GUCY2F: variants seen among roughly 807,000 people sequenced by gnomAD.
GUCY2F encodes the protein retinal guanylyl cyclase 2.
Under a neutral mutation model 73.1 loss-of-function variants are expected in GUCY2F, and 61 were observed. The observed-to-expected ratio is 0.83, with a 90% confidence interval of 0.68 to 1.03. GUCY2F has a LOEUF of 1.03. Ranked by LOEUF, GUCY2F falls within the 50% of genes least tolerant of loss-of-function variation. The pLI is 0.00. For missense variants in GUCY2F, 912 were observed against 854.3 expected, an observed-to-expected ratio of 1.07 and a Z score of -0.84; for synonymous variants, 331 against 307.8, an observed-to-expected ratio of 1.08 and a Z score of -0.79.
intron 11 of GUCY2F, among the ~76,000 whole-genome samples, chrX:109,397,633 TC>T (rs1453122378): frequency 3.6e-5 from 4 of 111,870 alleles, no homozygotes. Flanking sequence ...TCCCTTAATG[TC>T]CTTTTTCTGT....
chrX:109,401,594 G>A (rs1930840368), intron 10 of GUCY2F, among the ~76,000 whole-genome samples: 1 of 111,986 alleles, frequency 8.9e-6, no homozygotes, highest in African/African-American at 3.3e-5. Context: ...AAGGCACTGA[G>A]AAAGGCAAAC....
intron 4 of GUCY2F, among the ~76,000 whole-genome samples, chrX:109,452,399 T>C (rs1431589854): frequency 8.9e-6 from 1 of 112,116 alleles, no homozygotes; most frequent in Non-Finnish European, 1.9e-5. Flanking sequence ...TGGAAAACTT[T>C]GAGTACCTTA....
intron 5 of GUCY2F, among the ~76,000 whole-genome samples, chrX:109,449,493 A>C (rs1158556357): frequency 1.8e-5 from 2 of 111,817 alleles, no homozygotes; most frequent in African/African-American, 6.5e-5. Context: ...AAAAATAATC[A>C]TGCTACAGAG....
chrX:109,453,361 T>G, intron 4 of GUCY2F, 144 bp downstream of exon 4: 1 of 409,867 alleles, frequency 2.4e-6, no homozygotes, highest in Admixed American at 4.4e-5. Flanking sequence ...ATTAACTAGA[T>G]AGAGTGCCAA....
At chrX:109,429,800 C>T (rs767564300) in intron 8 of GUCY2F, among the ~76,000 whole-genome samples, 1 of 111,879 alleles carries the variant, frequency 8.9e-6, no homozygotes, top group East Asian at 2.8e-4. Flanking sequence ...TCCAAGGACT[C>T]CTTGAACATA....
rs1216193073 is a variant in GUCY2F at position 109,476,728 on chromosome X, A to AGAT, written c.-85-710_-85-708dup. 1.0e-4 allele frequency among the ~76,000 whole-genome samples: 3 copies of AGAT among 30,045 alleles called. No individual in the cohort carries two copies. The Admixed American group carries it at 1.1e-3, about 11-fold the overall frequency. 26.1% of individuals were successfully genotyped at this position (30,045 alleles called of 115,157 possible). ...TGCAGAAAGACCCAGAGGTAAAGAT[A>AGAT]GATAGATAGATAGATAGATAGATAG... On this transcript the variant is annotated intron_variant, in intron 1 of 19. Transcript: ENST00000218006.
At chrX:109,454,592 G>C (rs768162044) in intron 3 of GUCY2F, among the ~76,000 whole-genome samples, 9 of 112,119 alleles carry the variant, frequency 8.0e-5, no homozygotes, top group Non-Finnish European at 1.3e-4. Flanking sequence ...GACTGCTAAG[G>C]TGGATAGCAT....
At chrX:109,474,684 T>G (rs1380177014) in intron 2 of GUCY2F, among the ~76,000 whole-genome samples, 1 of 111,655 alleles carries the variant, frequency 9.0e-6, no homozygotes, top group African/African-American at 3.3e-5. Flanking sequence ...AAGCCCTGCT[T>G]TGAGAAAAGG....
At chrX:109,448,656 G>A (rs747857172) in intron 5 of GUCY2F, among the ~76,000 whole-genome samples, 8 of 112,320 alleles carry the variant, frequency 7.1e-5, no homozygotes, top group African/African-American at 2.6e-4. Flanking sequence ...CTAGCCTGAG[G>A]CAGAGCTGGA....
chrX:109,435,758 G>T (rs1254185754), intron 7 of GUCY2F, among the ~76,000 whole-genome samples: 1 of 111,703 alleles, frequency 9.0e-6, no homozygotes, highest in African/African-American at 3.3e-5. Flanking sequence ...GATATTGGCT[G>T]TGGGTTTGTC....
At chrX:109,433,225 G>C (rs1310501546) in intron 7 of GUCY2F, among the ~76,000 whole-genome samples, 3 of 112,317 alleles carry the variant, frequency 2.7e-5, no homozygotes, top group African/African-American at 9.7e-5. Context: ...GCAAACATGG[G>C]CTAGCCTTCT....
intron 14 of GUCY2F, 149 bp from the exon 15 acceptor site, chrX:109,388,812 A>G: frequency 2.4e-6 from 1 of 422,979 alleles, no homozygotes; most frequent in Non-Finnish European, 4.1e-6. Flanking sequence ...GTCTGGCTGC[A>G]TGTTAGAATT....
At chrX:109,453,241 CTCTTTGGG>C (rs1932174372) in intron 4 of GUCY2F, among the ~76,000 whole-genome samples, 1 of 111,194 alleles carries the variant, frequency 9.0e-6, no homozygotes, top group South Asian at 3.8e-4. Context: ...TTAGAGTAAG[CTCTTTGGG>C]AAAGAGTGGG....
rs1569356744 is a variant in GUCY2F, at chrX:109,392,891, CGGT to C, written c.2586_2588del (p.Pro863del). Reference sequence around the variant, plus strand: ...CACACTCCTCAGGTGTTCTCACATACGGTGGTAGCATCTGTGTTAGAAGCTTTT... The same window carrying C: ...CACACTCCTCAGGTGTTCTCACATACGGTAGCATCTGTGTTAGAAGCTTTT... On this transcript the variant is annotated inframe_deletion and splice_region_variant, in exon 13 of 20. Coordinates refer to ENST00000218006, the MANE Select transcript of GUCY2F (RefSeq NM_001522.3). 8.8e-7 allele frequency: 1 copy of C among 1,137,379 alleles called. No individual in the cohort carries two copies. Among genetic ancestry groups the C allele is most frequent in the East Asian group, 3.0e-5 (1 of 33,486 alleles). 93.7% of individuals were successfully genotyped at this position (1,137,379 alleles called of 1,213,427 possible).
At chrX:109,406,270 C>T (rs1569360242) in intron 9 of GUCY2F, among the ~76,000 whole-genome samples, 8 of 111,627 alleles carry the variant, frequency 7.2e-5, no homozygotes, top group Admixed American at 5.7e-4. Context: ...TTTGGTTTTC[C>T]AGTGGCACTG....
At chrX:109,444,665 A>G (rs780437890) in intron 6 of GUCY2F, among the ~76,000 whole-genome samples, 3 of 111,589 alleles carry the variant, frequency 2.7e-5, no homozygotes, top group Non-Finnish European at 5.7e-5. Context: ...GGGGCCAGAC[A>G]GGTAATATAA....
intron 11 of GUCY2F, among the ~76,000 whole-genome samples, chrX:109,395,833 C>T (rs1930695100): frequency 9.0e-6 from 1 of 111,571 alleles, no homozygotes; most frequent in African/African-American, 3.3e-5. Context: ...TCATCTAAGC[C>T]TTCCAATCCC....
chrX:109,477,080 G>A (rs1350851822), intron 1 of GUCY2F, among the ~76,000 whole-genome samples: 2 of 111,202 alleles, frequency 1.8e-5, no homozygotes, highest in African/African-American at 3.3e-5. Flanking sequence ...AGCAAGACTG[G>A]AGGCAAAGAG....
At chrX:109,429,000 A>G (rs1931549255) in intron 8 of GUCY2F, among the ~76,000 whole-genome samples, 1 of 112,246 alleles carries the variant, frequency 8.9e-6, no homozygotes, top group Non-Finnish European at 1.9e-5. Flanking sequence ...TGGCACCATA[A>G]TTTGGATTAC....
Sources: gnomAD v4.1 joint callset for allele counts (sites outside exome capture counted in the v4.1 genomes callset) on GRCh38, gnomAD v4.1.1 for gene constraint, MANE v1.5 for transcripts, NCBI Gene and HGNC (gene_info 2026-07-23, HGNC 2026-07-21) for gene names.